Variants in NPTN observed in about 807,000 individuals in gnomAD.
NPTN encodes the protein neuroplastin.
NPTN carries 5 observed loss-of-function variants against 42.7 expected under a neutral mutation model. The observed-to-expected ratio is 0.12, with a 90% CI of 0.06 to 0.25. The LOEUF (loss-of-function observed/expected upper bound fraction) is 0.25, where lower values mean the gene tolerates loss of function less well. Ranked by LOEUF, NPTN falls within the 10% of genes least tolerant of loss-of-function variation. The pLI, the probability that NPTN is intolerant of heterozygous loss-of-function variation, is 1.00. For missense variants in NPTN, 307 were observed against 525.4 expected, an observed-to-expected ratio of 0.58 and a Z score of 4.06; for synonymous variants, 180 against 201.9, an observed-to-expected ratio of 0.89 and a Z score of 0.92.
intron 1 of NPTN, among the ~76,000 whole-genome samples, chr15:73,603,355 A>G (rs1205722105): frequency 1.3e-5 from 2 of 152,268 alleles, no homozygotes; most frequent in African/African-American, 2.4e-5. Context: ...CTTCACATCC[A>G]AAATGAGCTT....
At chr15:73,579,928 T>A (rs931086728) in intron 4 of NPTN, among the ~76,000 whole-genome samples, 1 of 152,144 alleles carries the variant, frequency 6.6e-6, no homozygotes, top group Non-Finnish European at 1.5e-5. Context: ...TGCTCCCTAA[T>A]TACTGACTCA....
chr15:73,619,768 G>A (rs957903113), intron 1 of NPTN, among the ~76,000 whole-genome samples: 1 of 152,162 alleles, frequency 6.6e-6, no homozygotes, highest in Non-Finnish European at 1.5e-5. Flanking sequence ...CTATATTAAA[G>A]ATTTCAAATT....
In NPTN at chr15:73,570,970, G is replaced by C. The variant is rs1463027713; in HGVS notation, c.841-547C>G. 2.0e-5 allele frequency among the ~76,000 whole-genome samples: 3 copies of C among 152,218 alleles called. No homozygotes were observed. The highest frequency in any genetic ancestry group is 4.8e-5 in the African/African-American group (2 of 41,466). ...TTTAAGGACTAGAGGTTAGAGGAAA[G>C]GTTATTCAATCAATCAACAAATATT... On this transcript the variant is annotated intron_variant, in intron 5 of 8. Transcript: ENST00000345330. This position sits in a 1 kb window ranked among gnomAD's most constrained non-coding sequence, Gnocchi z 4.0.
intron 1 of NPTN, among the ~76,000 whole-genome samples, chr15:73,601,317 A>G (rs1897075470): frequency 6.6e-6 from 1 of 152,142 alleles, no homozygotes; most frequent in Non-Finnish European, 1.5e-5. Context: ...TCCCCCTCCA[A>G]ACAGCATGGA....
chr15:73,591,100 G>C (rs1896568006), intron 3 of NPTN, among the ~76,000 whole-genome samples: 1 of 152,154 alleles, frequency 6.6e-6, no homozygotes, highest in South Asian at 2.1e-4. Flanking sequence ...CACTCTTCAA[G>C]TCCTAGTTTC....
rs1461903060 is a variant in NPTN, at chr15:73,581,951, C to T, written c.706+5573G>A. On this transcript the variant is annotated intron_variant, in intron 4 of 8. Transcript: ENST00000345330. ...CCGGGTTCAAGCGATTCTTCTGCCT[C>T]GGCCTCCTGAGTAGCTGGGACCACA... Among the ~76,000 whole-genome samples, 10 of 152,198 alleles carry T rather than the reference C, an allele frequency of 6.6e-5. No homozygotes were observed. The East Asian group carries it at 9.7e-4, about 15-fold the overall frequency.
chr15:73,574,989 G>A (rs1019276681), intron 4 of NPTN, among the ~76,000 whole-genome samples: 30 of 152,312 alleles, frequency 2.0e-4, no homozygotes, highest in African/African-American at 6.7e-4. Flanking sequence ...ACCAGTTACA[G>A]TAATTTTTTT....
At chr15:73,627,916 T>C (rs963152930) in intron 1 of NPTN, among the ~76,000 whole-genome samples, 2 of 152,162 alleles carry the variant, frequency 1.3e-5, no homozygotes, top group African/African-American at 2.4e-5. Flanking sequence ...AAGCCTAAAA[T>C]ATGTAACCAT....
At chr15:73,561,845 C>T (rs1417099096) in intron 8 of NPTN, 51 bp downstream of exon 8, 1 of 1,281,216 alleles carries the variant, frequency 7.8e-7, no homozygotes, top group Non-Finnish European at 1.1e-6. Flanking sequence ...TCAATAGAGG[C>T]ACATTCATTT....
At chr15:73,594,995 G>A (rs1896767228) in intron 2 of NPTN, among the ~76,000 whole-genome samples, 1 of 151,606 alleles carries the variant, frequency 6.6e-6, no homozygotes, top group Non-Finnish European at 1.5e-5. Flanking sequence ...ACAACCTCCT[G>A]GCTCTCCAAA....
chr15:73,566,950 T>C, intron 6 of NPTN: 1 of 891,078 alleles, frequency 1.1e-6, no homozygotes, highest in Non-Finnish European at 1.3e-6. Flanking sequence ...GGTGTTTTCA[T>C]GTAGGAAATG....
intron 1 of NPTN, among the ~76,000 whole-genome samples, chr15:73,619,796 TA>T (rs1898044922): frequency 6.6e-6 from 1 of 152,218 alleles, no homozygotes; most frequent in African/African-American, 2.4e-5. Flanking sequence ...CATTTTACTA[TA>T]GAACACATAG....
intron 4 of NPTN, among the ~76,000 whole-genome samples, chr15:73,579,213 A>G (rs1286612112): frequency 6.7e-6 from 1 of 149,676 alleles, no homozygotes; most frequent in Non-Finnish European, 1.5e-5. Context: ...CAAGAGGTGG[A>G]GCTTGCAGTA....
chr15:73,601,832 GA>G (rs1897096934), intron 1 of NPTN, among the ~76,000 whole-genome samples: 1 of 152,182 alleles, frequency 6.6e-6, no homozygotes, highest in Non-Finnish European at 1.5e-5. Context: ...TTTGAGGGAG[GA>G]AGAGACTAGA....
chr15:73,567,729 A>G, intron 6 of NPTN: 6 of 985,446 alleles, frequency 6.1e-6, no homozygotes, highest in Non-Finnish European at 7.2e-6. Flanking sequence ...GAGGAGAAAA[A>G]CAGAATGGAA....
At chr15:73,589,830 A>G (rs913924637) in intron 3 of NPTN, among the ~76,000 whole-genome samples, 3 of 151,924 alleles carry the variant, frequency 2.0e-5, no homozygotes, top group Non-Finnish European at 4.4e-5. Context: ...TGTCTTCTCA[A>G]TGTGACACCA....
In NPTN at chr15:73,615,335, T is replaced by C. The variant is rs529242515; in HGVS notation, c.91+17790A>G. Among the ~76,000 whole-genome samples the C allele has an allele frequency of 1.2e-4, 19 of 152,270 alleles. No individual in the cohort carries two copies. The South Asian group carries it at 3.9e-3, about 32-fold the overall frequency. On this transcript the variant is annotated intron_variant, in intron 1 of 8. Coordinates refer to ENST00000345330, the MANE Select transcript of NPTN (RefSeq NM_012428.4). ...TCATTATAACAGCAGCTAGCCTTTA[T>C]TGATCATTTGTGTTAGACATAACGC... is the stretch of plus-strand genomic sequence containing the variant.
At chr15:73,578,148 G>A (rs1316364187) in intron 4 of NPTN, among the ~76,000 whole-genome samples, 1 of 152,080 alleles carries the variant, frequency 6.6e-6, no homozygotes, top group African/African-American at 2.4e-5. Flanking sequence ...GAGAGACTGG[G>A]GACCCAGATT....
In NPTN at chr15:73,597,032, G is replaced by A. The variant is rs1451667905; in HGVS notation, c.429C>T (p.Ser143=). ...GGGTGCTGGACTCACTCTGAAGGAC[G>A]CTTATGGTGGCCTGGGCTCGAATCC... ...ITWIRAQATI[S]VLQKPRIVTS... The change falls in exon 2 of 9, where the codon AGC becomes AGT. Residue 143 remains serine, a synonymous_variant. Transcript: ENST00000345330. The surrounding 1 kb of genome is among the most constrained non-coding windows in gnomAD (Gnocchi z 6.3). The A allele has an allele frequency of 2.5e-6, 4 of 1,613,564 alleles. No homozygotes were observed. The highest frequency in any genetic ancestry group is 3.4e-6 in the Non-Finnish European group (4 of 1,179,758).
Sources: allele counts gnomAD v4.1 joint callset (sites outside exome capture counted in the v4.1 genomes callset), GRCh38; gene constraint gnomAD v4.1.1; non-coding constraint Gnocchi (gnomAD v3.1); transcripts MANE v1.5; gene names NCBI Gene and HGNC (gene_info 2026-07-23, HGNC 2026-07-21).